CA5A: variants seen among roughly 807,000 people sequenced by gnomAD.
CA5A encodes carbonic anhydrase 5A.
A neutral mutation model predicts 37.1 loss-of-function variants in CA5A; 28 were observed. The observed-to-expected ratio is 0.75, with a 90% confidence interval of 0.56 to 1.03. The LOEUF (loss-of-function observed/expected upper bound fraction) is 1.03. CA5A is among the 50% of genes least tolerant of loss of function. The pLI is 0.00. For synonymous variants in CA5A, 171 were observed against 158.4 expected (o/e 1.08, Z -0.60); for missense variants, 444 against 399.9 (o/e 1.11, Z -0.94).
chr16:87,921,974 C>G lies in CA5A; in HGVS notation c.340+4774G>C, dbSNP rs188166064. ...CCTCAATCTCTTGGGCTTAAGCAAGCCTCCTGCCTCAGCCTCCCGAGTAGC... is the reference window on the plus strand; with the variant it reads ...CCTCAATCTCTTGGGCTTAAGCAAGGCTCCTGCCTCAGCCTCCCGAGTAGC... On this transcript the variant is annotated intron_variant, in intron 2 of 6. Coordinates refer to ENST00000649794, the MANE Select transcript of CA5A (RefSeq NM_001739.2). 8.6e-3 allele frequency among the ~76,000 whole-genome samples: 1,305 copies of G among 152,142 alleles called. 18 individuals carry two copies. Among genetic ancestry groups the G allele is most frequent in the African/African-American group, 0.03 (1,240 of 41,522 alleles).
chr16:87,920,172 C>T (rs2056210780), intron 2 of CA5A, among the ~76,000 whole-genome samples: 1 of 152,228 alleles, frequency 6.6e-6, no homozygotes, highest in African/African-American at 2.4e-5. Flanking sequence ...ACTCACCCCT[C>T]ACCCGAGGTC....
In CA5A at chr16:87,909,443, C is replaced by G. The variant is rs1423289870; in HGVS notation, c.341-4539G>C. Among the ~76,000 whole-genome samples, 5 of 152,236 alleles carry G rather than the reference C, an allele frequency of 3.3e-5. No homozygotes were observed. The South Asian group carries it at 6.2e-4, about 19-fold the overall frequency. On this transcript the variant is annotated intron_variant, in intron 2 of 6. Transcript: ENST00000649794. ...GGAGGGAAGCGAAACGTTCGTTCTT[C>G]TAAGAGGATAACTGCAAAGGAAGGC...
intron 6 of CA5A, among the ~76,000 whole-genome samples, chr16:87,888,928 T>G (rs1240532321): frequency 6.6e-6 from 1 of 151,478 alleles, no homozygotes; most frequent in Non-Finnish European, 1.5e-5. Flanking sequence ...AATTTTTTTT[T>G]TTTTTTTTGA....
intron 5 of CA5A, among the ~76,000 whole-genome samples, chr16:87,894,456 G>T (rs371798301): frequency 1.3e-5 from 2 of 152,110 alleles, no homozygotes; most frequent in Non-Finnish European, 2.9e-5. Flanking sequence ...AAGCAGTGAG[G>T]GTCAGGGTCA....
chr16:87,921,378 C>A (rs528208266), intron 2 of CA5A, among the ~76,000 whole-genome samples: 1 of 152,366 alleles, frequency 6.6e-6, no homozygotes, highest in East Asian at 1.9e-4. Context: ...GCCTTGATTT[C>A]TCCCCCTCTT....
chr16:87,897,532 G>C (rs1344815584), intron 5 of CA5A, among the ~76,000 whole-genome samples: 1 of 152,098 alleles, frequency 6.6e-6, no homozygotes, highest in South Asian at 2.1e-4. Flanking sequence ...GGGGGTGGGG[G>C]TCCAGGCTTC....
chr16:87,907,424 G>T (rs1018871014), intron 2 of CA5A, among the ~76,000 whole-genome samples: 5 of 152,086 alleles, frequency 3.3e-5, no homozygotes, highest in Admixed American at 1.3e-4. Flanking sequence ...CCTCCCAGGG[G>T]GTCTGCCTCT....
At chr16:87,920,424 C>G (rs966768393) in intron 2 of CA5A, among the ~76,000 whole-genome samples, 2 of 152,174 alleles carry the variant, frequency 1.3e-5, no homozygotes, top group Non-Finnish European at 1.5e-5. Context: ...GCAATTCTGC[C>G]TCAGCCTCCT....
intron 2 of CA5A, among the ~76,000 whole-genome samples, chr16:87,924,778 G>A (rs571167697): frequency 6.6e-6 from 1 of 152,358 alleles, no homozygotes; most frequent in Admixed American, 6.5e-5. Flanking sequence ...TGAGCGTGGG[G>A]GCAGCGTCCC....
intron 2 of CA5A, among the ~76,000 whole-genome samples, chr16:87,915,978 G>T (rs566008856): frequency 6.6e-6 from 1 of 151,880 alleles, no homozygotes; most frequent in East Asian, 1.9e-4. Flanking sequence ...GGGAGGCCTC[G>T]CAATCACGGC....
intron 1 of CA5A, among the ~76,000 whole-genome samples, chr16:87,929,791 G>C (rs1357786978): frequency 7.0e-6 from 1 of 142,232 alleles, no homozygotes; most frequent in Non-Finnish European, 1.5e-5. Flanking sequence ...AGAATGGCGT[G>C]AGCCCGGGAG....
At chr16:87,891,980 T>C (rs1160880817) in intron 5 of CA5A, 26 bp from the exon 6 acceptor site, 2 of 1,511,298 alleles carry the variant, frequency 1.3e-6, no homozygotes, top group Non-Finnish European at 1.8e-6. Flanking sequence ...GCACAGGACG[T>C]GTCAGTCCTC....
At chr16:87,901,526 T>C (rs2055877682) in intron 5 of CA5A, among the ~76,000 whole-genome samples, 1 of 152,158 alleles carries the variant, frequency 6.6e-6, no homozygotes, top group African/African-American at 2.4e-5. Context: ...TCTTTTTCCT[T>C]GCAAATGAAT....
chr16:87,898,914 T>C (rs2143934687), intron 5 of CA5A, among the ~76,000 whole-genome samples: 1 of 152,152 alleles, frequency 6.6e-6, no homozygotes, highest in East Asian at 1.9e-4. Flanking sequence ...TTTGTATTTT[T>C]AGTAGAGACG....
chr16:87,927,078 G>A, intron 1 of CA5A, 133 bp from the exon 2 acceptor site: 1 of 663,804 alleles, frequency 1.5e-6, no homozygotes, highest in Non-Finnish European at 2.6e-6. Flanking sequence ...CGGGAAACGG[G>A]CGCGTGGGGG....
chr16:87,918,278 T>C (rs2056182761), intron 2 of CA5A, among the ~76,000 whole-genome samples: 1 of 152,228 alleles, frequency 6.6e-6, no homozygotes, highest in Non-Finnish European at 1.5e-5. Context: ...GGGAATGAGC[T>C]GAGCTGTCTG....
rs140549219 is a variant in CA5A at position 87,921,749 on chromosome 16, G to A, written c.340+4999C>T. 6.1e-3 allele frequency among the ~76,000 whole-genome samples: 922 copies of A among 152,338 alleles called. 11 individuals carry two copies. Among genetic ancestry groups the A allele is most frequent in the African/African-American group, 0.021 (882 of 41,572 alleles). Reference sequence around the variant, plus strand: ...TGCCCTTACAAAGCCACGGACTGGCGGGATCAGCGGCACCTGGGAGCCTGC... The same window carrying A: ...TGCCCTTACAAAGCCACGGACTGGCAGGATCAGCGGCACCTGGGAGCCTGC... On this transcript the variant is annotated intron_variant, in intron 2 of 6. Coordinates refer to ENST00000649794, the MANE Select transcript of CA5A (RefSeq NM_001739.2).
At chr16:87,919,080 C>T (rs1469526152) in intron 2 of CA5A, among the ~76,000 whole-genome samples, 2 of 152,194 alleles carry the variant, frequency 1.3e-5, no homozygotes, top group African/African-American at 4.8e-5. Context: ...CAGTCTGTGG[C>T]AGGGAGGGCC....
chr16:87,893,076 C>T (rs568966128), intron 5 of CA5A: 58 of 901,798 alleles, frequency 6.4e-5, no homozygotes, highest in African/African-American at 1.7e-4. Context: ...TCTCAAGCCC[C>T]GAGGCTGCCT....
Sources: allele counts gnomAD v4.1 joint callset (sites outside exome capture counted in the v4.1 genomes callset), GRCh38; gene constraint gnomAD v4.1.1; transcripts MANE v1.5; gene names NCBI Gene and HGNC (gene_info 2026-07-23, HGNC 2026-07-21).